The following SEL1L2 variants were observed in gnomAD, a reference collection of about 807,000 sequenced individuals.
SEL1L2 encodes SEL1L2 adaptor subunit of SYVN1 ubiquitin ligase, also known as protein sel-1 homolog 2.
In SEL1L2, 89 loss-of-function variants were observed where a neutral mutation model predicts 98.8. The ratio of observed to expected loss-of-function variants is 0.90; its 90% CI spans 0.76 to 1.07. SEL1L2 has a LOEUF of 1.07. SEL1L2 is among the 50% of genes least tolerant of loss of function. The probability of loss-of-function intolerance (pLI) is 0.00; values close to 1 mark genes in which losing one functional copy is unlikely to be tolerated. For missense variants in SEL1L2, 788 were observed against 812.0 expected (o/e 0.97, Z 0.36); for synonymous variants, 262 against 278.5 (o/e 0.94, Z 0.59).
intron 17 of SEL1L2, among the ~76,000 whole-genome samples, chr20:13,861,365 C>T (rs1423254535): frequency 2.0e-5 from 3 of 151,744 alleles, no homozygotes; most frequent in East Asian, 1.9e-4. Flanking sequence ...TGGCTTGTCT[C>T]GAAATCCTGG....
chr20:13,901,093 CG>C (rs1437742088), intron 5 of SEL1L2, among the ~76,000 whole-genome samples: 2 of 121,282 alleles, frequency 1.6e-5, no homozygotes, highest in Admixed American at 9.8e-5. Context: ...TTTTTTGAGA[CG>C]GAGTCTTGCT....
At chr20:13,969,781 G>C (rs191408890) in intron 1 of SEL1L2, among the ~76,000 whole-genome samples, 29 of 152,224 alleles carry the variant, frequency 1.9e-4, no homozygotes, top group African/African-American at 6.5e-4. Context: ...TTCAACATTA[G>C]AGCCAGATGC....
At chr20:13,870,894 G>A (rs2046156380) in intron 12 of SEL1L2, among the ~76,000 whole-genome samples, 1 of 134,198 alleles carries the variant, frequency 7.5e-6, no homozygotes, top group South Asian at 2.4e-4. Context: ...CTTCACTCCA[G>A]CCTGGGCGAA....
intron 1 of SEL1L2, among the ~76,000 whole-genome samples, chr20:13,985,710 C>T (rs1321100676): frequency 6.6e-6 from 1 of 152,162 alleles, no homozygotes; most frequent in Admixed American, 6.5e-5. Flanking sequence ...ATTCAATGGC[C>T]TTTAGGATAT....
chr20:13,936,137 T>A (rs773830527), intron 2 of SEL1L2, among the ~76,000 whole-genome samples: 5 of 152,186 alleles, frequency 3.3e-5, no homozygotes, highest in Non-Finnish European at 5.9e-5. Context: ...CTTCCCTGTA[T>A]CTTGAAGCTC....
At chr20:13,945,521 T>C (rs1280684851) in intron 2 of SEL1L2, among the ~76,000 whole-genome samples, 1 of 151,552 alleles carries the variant, frequency 6.6e-6, no homozygotes, top group Admixed American at 6.6e-5. Flanking sequence ...TAAAAGTTTT[T>C]TAAGACTTTG....
chr20:13,855,049 CAAAAAAAAAAAAA>C (rs71188190), intron 18 of SEL1L2, among the ~76,000 whole-genome samples: 1 of 81,118 alleles, frequency 1.2e-5, no homozygotes, highest in African/African-American at 4.7e-5. Context: ...GACTCCGTCT[CAAAAAAAAAAAAA>C]AAAAAAAAAA....
intron 1 of SEL1L2, among the ~76,000 whole-genome samples, chr20:13,962,275 TC>T (rs1227512930): frequency 6.6e-6 from 1 of 152,176 alleles, no homozygotes; most frequent in African/African-American, 2.4e-5. Context: ...TTTTTCCCAC[TC>T]CTTATGTCTG....
At chr20:13,880,588 A>C (rs1018884891) in intron 10 of SEL1L2, among the ~76,000 whole-genome samples, 1 of 151,020 alleles carries the variant, frequency 6.6e-6, no homozygotes, top group African/African-American at 2.4e-5. Flanking sequence ...TTGAAGAGTT[A>C]AGATCAAGTA....
chr20:13,917,337 A>AG (rs2048447772), intron 4 of SEL1L2, among the ~76,000 whole-genome samples: 1 of 152,110 alleles, frequency 6.6e-6, no homozygotes, highest in African/African-American at 2.4e-5. Flanking sequence ...ATTCAGTGGG[A>AG]GGCCCAGGTT....
At chr20:13,968,330 A>C (rs1209926899) in intron 1 of SEL1L2, among the ~76,000 whole-genome samples, 22 of 152,264 alleles carry the variant, frequency 1.4e-4, no homozygotes, top group Admixed American at 1.4e-3. Context: ...AGAGCTTAAC[A>C]GCAACCTTGA....
At position 13,865,528 on chromosome 20, in the gene SEL1L2, G is replaced by A. The variant is rs1464738258; in HGVS notation, c.1405-14C>T. 2 of 1,606,018 alleles carry A rather than the reference G, an allele frequency of 1.2e-6. No homozygotes were observed. The highest frequency in any genetic ancestry group is 2.2e-5 in the East Asian group (1 of 44,800). On this transcript the variant is annotated splice_polypyrimidine_tract_variant and intron_variant, in intron 15 of 19. Transcript: ENST00000284951. ...ACCTTTATAAAGCTGTACATGAGAG[G>A]AGAAATCAAGGAGACTAGTTAGCCA...
rs1308056992 is a variant in SEL1L2, at chr20:13,865,397, T to C, written c.1522A>G (p.Met508Val). Residue 508 changes from methionine (M) to valine (V), a missense_variant, in exon 16 of 20, where the codon ATG becomes GTG. Transcript: ENST00000284951. ...TTGCTTTGAGCTACTTCATACCCCA[T>C]TTCTGCAAGCAGTGCATACTGAACA... ...SLVQYALLAE[M>V]GYEVAQSNSA... 3 of 1,614,030 alleles carry C rather than the reference T, an allele frequency of 1.9e-6. No homozygotes were observed. The highest frequency in any genetic ancestry group is 1.7e-5 in the Admixed American group (1 of 59,992).
chr20:13,906,705 G>T (rs552188968), intron 5 of SEL1L2, among the ~76,000 whole-genome samples: 1 of 151,986 alleles, frequency 6.6e-6, no homozygotes, highest in East Asian at 1.9e-4. Context: ...TTGAGACAGC[G>T]TCTCACTCTG....
intron 12 of SEL1L2, among the ~76,000 whole-genome samples, chr20:13,871,534 C>T (rs1232050052): frequency 2.7e-5 from 4 of 149,900 alleles, no homozygotes; most frequent in African/African-American, 7.4e-5. Flanking sequence ...TTTTTTGAGA[C>T]GGAGTCTCAC....
At chr20:13,944,226 G>A (rs1184198187) in intron 2 of SEL1L2, among the ~76,000 whole-genome samples, 3 of 152,202 alleles carry the variant, frequency 2.0e-5, no homozygotes, top group Non-Finnish European at 2.9e-5. Flanking sequence ...TCAGAGCTCA[G>A]AGAAACAGCA....
At chr20:13,897,637 C>G (rs538470343) in intron 5 of SEL1L2, among the ~76,000 whole-genome samples, 1 of 152,164 alleles carries the variant, frequency 6.6e-6, no homozygotes, top group Non-Finnish European at 1.5e-5. Flanking sequence ...AAATGGCCAA[C>G]AGGTATATGA....
At chr20:13,882,690 C>T (rs553809194) in intron 10 of SEL1L2, among the ~76,000 whole-genome samples, 1 of 151,958 alleles carries the variant, frequency 6.6e-6, no homozygotes, top group Non-Finnish European at 1.5e-5. Flanking sequence ...CTGAGGCTAA[C>T]CAAAATTGCT....
At chr20:13,907,269 A>C (rs920874696) in intron 5 of SEL1L2, among the ~76,000 whole-genome samples, 1 of 152,178 alleles carries the variant, frequency 6.6e-6, no homozygotes, top group African/African-American at 2.4e-5. Flanking sequence ...AAAAAACCAG[A>C]AAAGCATTTT....
Sources: allele counts gnomAD v4.1 joint callset (sites outside exome capture counted in the v4.1 genomes callset), GRCh38; gene constraint gnomAD v4.1.1; transcripts MANE v1.5; gene names NCBI Gene and HGNC (gene_info 2026-07-23, HGNC 2026-07-21).